CGNL1: variants seen among roughly 807,000 people sequenced by gnomAD.
CGNL1 encodes the protein cingulin like 1, also known as cingulin-like protein 1.
In CGNL1, 132 loss-of-function variants were observed where a neutral mutation model predicts 141.2. That is an observed-to-expected ratio of 0.93 (90% CI 0.81 to 1.08). CGNL1 has a LOEUF of 1.08. CGNL1 is among the 50% of genes least tolerant of loss of function. The probability of loss-of-function intolerance (pLI) is 0.00; values close to 1 mark genes in which losing one functional copy is unlikely to be tolerated. For synonymous variants in CGNL1, 690 were observed against 622.1 expected, an observed-to-expected ratio of 1.11 and a Z score of -1.63; for missense variants, 1,870 against 1,588.6, an observed-to-expected ratio of 1.18 and a Z score of -3.01.
intron 1 of CGNL1, among the ~76,000 whole-genome samples, chr15:57,408,070 G>A (rs1192499261): frequency 6.6e-6 from 1 of 151,986 alleles, no homozygotes; most frequent in South Asian, 2.1e-4. Context: ...ATTCTCTTTG[G>A]TATTTTCAAA....
intron 7 of CGNL1, 83 bp from the exon 8 acceptor site, chr15:57,461,597 G>A (rs1481989905): frequency 8.8e-7 from 1 of 1,141,396 alleles, no homozygotes; most frequent in Admixed American, 1.7e-5. Context: ...TGTGCACATG[G>A]GGACTGAACT....
intron 1 of CGNL1, among the ~76,000 whole-genome samples, chr15:57,404,061 G>A (rs1382746287): frequency 2.0e-5 from 3 of 152,208 alleles, no homozygotes; most frequent in African/African-American, 7.2e-5. Flanking sequence ...TGCAATTCAA[G>A]GTGTTGATTT....
At chr15:57,547,300 T>G in intron 18 of CGNL1, 55 bp from the exon 19 acceptor site, 1 of 1,595,416 alleles carries the variant, frequency 6.3e-7, no homozygotes, top group Non-Finnish European at 8.5e-7. Flanking sequence ...TAAGTCCAAA[T>G]TAGCTATGGG....
intron 7 of CGNL1, 54 bp from the exon 8 acceptor site, chr15:57,461,626 C>G: frequency 6.7e-7 from 1 of 1,483,640 alleles, no homozygotes; most frequent in Non-Finnish European, 9.4e-7. Context: ...GATACAGGGC[C>G]TCTCAACAAG....
chr15:57,437,988 G>T lies in CGNL1; in HGVS notation c.-12G>T, dbSNP rs1595702996. 2 of 1,604,948 alleles carry T rather than the reference G, an allele frequency of 1.2e-6. No homozygotes were observed. Among genetic ancestry groups the T allele is most frequent in the South Asian group, 1.1e-5 (1 of 90,574 alleles). ...TTACCCCATCTCTCCCTGGTAGCTG[G>T]AACAGTGAACCATGGAGCTGTATTT... On this transcript the variant is annotated 5_prime_UTR_variant, in exon 2 of 19. Coordinates refer to ENST00000281282, the MANE Select transcript of CGNL1 (RefSeq NM_032866.5).
intron 1 of CGNL1, among the ~76,000 whole-genome samples, chr15:57,386,646 T>A (rs1259267431): frequency 6.6e-6 from 1 of 152,136 alleles, no homozygotes; most frequent in African/African-American, 2.4e-5. Context: ...CTGGGTTAGC[T>A]ACTTCACCTC....
At chr15:57,411,907 C>T (rs1398270089) in intron 1 of CGNL1, among the ~76,000 whole-genome samples, 1 of 152,164 alleles carries the variant, frequency 6.6e-6, no homozygotes, top group Non-Finnish European at 1.5e-5. Context: ...TGGAAGTTTA[C>T]TTATTTTAAA....
intron 1 of CGNL1, among the ~76,000 whole-genome samples, chr15:57,405,780 TTC>T (rs1277772245): frequency 2.8e-4 from 9 of 32,076 alleles, no homozygotes; most frequent in African/African-American, 8.6e-4. Flanking sequence ...TTCTCTTTCT[TTC>T]TTTCTTTCTT....
intron 14 of CGNL1, among the ~76,000 whole-genome samples, chr15:57,535,683 G>A (rs2032219989): frequency 6.6e-6 from 1 of 152,234 alleles, no homozygotes. Context: ...GACTGAGGGT[G>A]TTGAATGGCT....
chr15:57,462,122 C>T (rs1221625116), intron 8 of CGNL1, among the ~76,000 whole-genome samples: 2 of 152,126 alleles, frequency 1.3e-5, no homozygotes, highest in Non-Finnish European at 2.9e-5. Flanking sequence ...AATCCTGTTG[C>T]AGAGGGGGAG....
intron 14 of CGNL1, among the ~76,000 whole-genome samples, chr15:57,536,317 C>G (rs954752704): frequency 6.6e-6 from 1 of 152,200 alleles, no homozygotes; most frequent in African/African-American, 2.4e-5. Flanking sequence ...GGTGAGGACA[C>G]AGCCAAACCA....
chr15:57,472,186 A>T (rs2063590669), intron 8 of CGNL1, among the ~76,000 whole-genome samples: 1 of 152,094 alleles, frequency 6.6e-6, no homozygotes, highest in African/African-American at 2.4e-5. Flanking sequence ...TGAAGGATGA[A>T]TGGGAATTAA....
rs185168808 is a variant in CGNL1 at position 57,401,428 on chromosome 15, G to T, written c.-16+24861G>T. On this transcript the variant is annotated intron_variant, in intron 1 of 18. Transcript: ENST00000281282. ...CGTCCGTCAGAATTTCCAAGAATGGGTCTCAGGGATTTGAATTTTTAAAAA... is the reference window on the plus strand; with the variant it reads ...CGTCCGTCAGAATTTCCAAGAATGGTTCTCAGGGATTTGAATTTTTAAAAA... Among the ~76,000 whole-genome samples, 343 of 152,288 alleles carry T rather than the reference G, an allele frequency of 2.3e-3. 1 individual carries two copies. The highest frequency in any genetic ancestry group is 3.2e-3 in the Non-Finnish European group (218 of 68,024).
intron 1 of CGNL1, chr15:57,393,932 T>C (rs1483381105): frequency 8.5e-6 from 1 of 117,032 alleles, no homozygotes; most frequent in Non-Finnish European, 1.7e-5. Flanking sequence ...GTATTAACTT[T>C]TTTTTTTTTT....
intron 11 of CGNL1, 57 bp from the exon 12 acceptor site, chr15:57,524,524 C>T: frequency 6.6e-7 from 1 of 1,511,308 alleles, no homozygotes; most frequent in Non-Finnish European, 9.0e-7. Flanking sequence ...AAATGGGACC[C>T]AGACCCTGGT....
chr15:57,468,173 G>A (rs1253992648), intron 8 of CGNL1, among the ~76,000 whole-genome samples: 1 of 149,858 alleles, frequency 6.7e-6, no homozygotes, highest in Admixed American at 6.6e-5. Flanking sequence ...CTCTCTACTT[G>A]TTGCAAATGT....
chr15:57,410,643 A>G (rs1475639572), intron 1 of CGNL1, among the ~76,000 whole-genome samples: 1 of 152,210 alleles, frequency 6.6e-6, no homozygotes, highest in Non-Finnish European at 1.5e-5. Flanking sequence ...TCCAATAACA[A>G]CAATTGAGAA....
rs1323982167 is a variant in CGNL1, at chr15:57,550,455, CAT to C, written c.*2970_*2971del. 6 of 152,700 alleles carry C rather than the reference CAT, an allele frequency of 3.9e-5. No homozygotes were observed. Among genetic ancestry groups the C allele is most frequent in the African/African-American group, 1.2e-4 (5 of 41,546 alleles). 9.5% of individuals were successfully genotyped at this position (152,700 alleles called of 1,614,324 possible). ...TTCTTTAGCTAGCTTAAAAAGAAAACATATATTTTATGTAAAAACACATACAT... is the reference window on the plus strand; with the variant it reads ...TTCTTTAGCTAGCTTAAAAAGAAAACATATTTTATGTAAAAACACATACAT... On this transcript the variant is annotated 3_prime_UTR_variant, in exon 19 of 19. Transcript: ENST00000281282.
In CGNL1 at chr15:57,438,565, G is replaced by A; in HGVS notation, c.566G>A (p.Trp189Ter). ...TEEGINNKKPWTCFPKPSNSQ... is the reference protein window; with the variant it reads ...TEEGINNKKP ...GAAGGCATCAACAATAAGAAGCCTT[G>A]GACTTGCTTTCCCAAACCTAGCAAT... Residue 189 changes from tryptophan (W) to a stop codon, truncating the protein, a stop_gained, in exon 2 of 19, where the codon TGG becomes TAG. Transcript: ENST00000281282. LOFTEE classifies it high-confidence loss of function. 6.2e-7 allele frequency: 1 copy of A among 1,613,674 alleles called. No homozygotes were observed.
Sources: allele counts gnomAD v4.1 joint callset (sites outside exome capture counted in the v4.1 genomes callset), GRCh38; gene constraint gnomAD v4.1.1; transcripts MANE v1.5; gene names NCBI Gene and HGNC (gene_info 2026-07-23, HGNC 2026-07-21).